Variants in ZFR observed in about 807,000 individuals in gnomAD.
The protein encoded by ZFR is zinc finger RNA binding protein.
In ZFR, 19 loss-of-function variants were observed where a neutral mutation model predicts 130.7. The ratio of observed to expected loss-of-function variants is 0.15; its 90% CI spans 0.10 to 0.21. The LOEUF is 0.21. Among genes scored for constraint, ZFR ranks in the 10% least tolerant of loss-of-function variants. ZFR has a pLI of 1.00. For missense variants in ZFR, 872 were observed against 1,321.5 expected (o/e 0.66, Z 5.27); for synonymous variants, 466 against 456.9 (o/e 1.02, Z -0.25).
Position 32,419,805 on chromosome 5 carries a change from CTAG to C in ZFR, c.420+13_420+15del, listed in dbSNP as rs1266426543. 1 of 1,576,884 alleles carries C rather than the reference CTAG, an allele frequency of 6.3e-7. No homozygotes were observed. Among genetic ancestry groups the C allele is most frequent in the Admixed American group, 1.8e-5 (1 of 55,346 alleles). On this transcript the variant is annotated intron_variant, in intron 3 of 19. Transcript: ENST00000265069. ...AACCCGCACATTCAGGCTACCAAAACTAGTAGTTTTCTTACCTGGTAGTTTTGT... is the reference window on the plus strand; with the variant it reads ...AACCCGCACATTCAGGCTACCAAAACTAGTTTTCTTACCTGGTAGTTTTGT...
chr5:32,390,665 A>T (rs147768003), intron 11 of ZFR, among the ~76,000 whole-genome samples: 1 of 152,192 alleles, frequency 6.6e-6, no homozygotes, highest in Non-Finnish European at 1.5e-5. Flanking sequence ...TAAAAAGAAC[A>T]GGCATCAGAA....
At chr5:32,425,420 CTTAAT>C (rs58748814) in intron 2 of ZFR, among the ~76,000 whole-genome samples, 142,414 of 152,144 alleles carry the variant, frequency 0.94, 66,744 homozygotes, top group African/African-American at 0.97. Flanking sequence ...TTAGAATATT[CTTAAT>C]TTAAGACATT....
intron 17 of ZFR, among the ~76,000 whole-genome samples, chr5:32,369,145 T>C (rs894862388): frequency 1.3e-5 from 2 of 152,234 alleles, no homozygotes; most frequent in East Asian, 1.9e-4. Context: ...TACAGTTAAA[T>C]AGATGATTTT....
At chr5:32,420,797 T>C (rs149115429) in intron 2 of ZFR, among the ~76,000 whole-genome samples, 1 of 152,318 alleles carries the variant, frequency 6.6e-6, no homozygotes, top group African/African-American at 2.4e-5. Flanking sequence ...CAAAGAATTA[T>C]TTAAAGTATG....
At chr5:32,404,407 T>C (rs1358557069) in intron 6 of ZFR, among the ~76,000 whole-genome samples, 5 of 152,218 alleles carry the variant, frequency 3.3e-5, no homozygotes, top group East Asian at 1.9e-4. Context: ...CAGAGAATAA[T>C]AGACAGTGAT....
At position 32,403,301 on chromosome 5, in the gene ZFR, T is replaced by C; in HGVS notation, c.1321A>G (p.Lys441Glu). Reference sequence around the variant, plus strand: ...ATGCTTGAAGGAGAGGCAGTCGGCTTTGAAGCAGATACAGCTGTTGAAGAA... The same window carrying C: ...ATGCTTGAAGGAGAGGCAGTCGGCTCTGAAGCAGATACAGCTGTTGAAGAA... ...ATSSTAVSAS[K>E]PTASPSSIAA... The change falls in exon 8 of 20, where the codon AAG becomes GAG. Residue 441 changes from lysine (K) to glutamate (E), a missense_variant. Lys to Glu is a moderately conservative substitution (Grantham distance 56). Transcript: ENST00000265069. 1 of 1,614,198 alleles carries C rather than the reference T, an allele frequency of 6.2e-7. No individual in the cohort carries two copies. Among genetic ancestry groups the C allele is most frequent in the Middle Eastern group, 1.6e-4 (1 of 6,062 alleles).
intron 19 of ZFR, among the ~76,000 whole-genome samples, chr5:32,356,559 C>T (rs1229306489): frequency 6.6e-6 from 1 of 151,970 alleles, no homozygotes; most frequent in African/African-American, 2.4e-5. Flanking sequence ...ACTACAGGTG[C>T]CCGCCACCAC....
intron 5 of ZFR, among the ~76,000 whole-genome samples, chr5:32,409,352 CA>C (rs1753647667): frequency 6.6e-6 from 1 of 152,058 alleles, no homozygotes; most frequent in Non-Finnish European, 1.5e-5. Context: ...TACCTAATAC[CA>C]TGTAAGTGCT....
At position 32,390,405 on chromosome 5, in the gene ZFR, A is replaced by C; in HGVS notation, c.2012T>G (p.Met671Arg). 6.2e-7 allele frequency: 1 copy of C among 1,614,142 alleles called. No individual in the cohort carries two copies. The highest frequency in any genetic ancestry group is 1.7e-5 in the Admixed American group (1 of 60,018). ...RYEEDMYWRRMEEEQHHWDDR... is the reference protein window; with the variant it reads ...RYEEDMYWRRREEEQHHWDDR... ...ATCCCAATGATGTTGTTCTTCCTCC[A>C]TTCTCCTCCAGTACATGTCCTCTTC... The change falls in exon 12 of 20, where the codon ATG becomes AGG. Residue 671 changes from methionine to arginine, a missense_variant. This residue lies in a region of ZFR where 225 missense variants were observed against 282.4 expected (regional missense o/e 0.80). Coordinates refer to ENST00000265069, the MANE Select transcript of ZFR (RefSeq NM_016107.5).
intron 17 of ZFR, among the ~76,000 whole-genome samples, chr5:32,366,761 C>T (rs1752554457): frequency 6.6e-6 from 1 of 151,694 alleles, no homozygotes; most frequent in African/African-American, 2.4e-5. Flanking sequence ...GTCTTGGAGG[C>T]TATAATTATA....
chr5:32,364,094 TA>T (rs1331403112), intron 18 of ZFR, 49 bp from the exon 19 acceptor site: 12 of 1,596,282 alleles, frequency 7.5e-6, no homozygotes, highest in Admixed American at 3.4e-5. Context: ...TGTCCACTTA[TA>T]AAAAAAATTA....
intron 5 of ZFR, among the ~76,000 whole-genome samples, chr5:32,412,723 T>A (rs1753738240): frequency 6.6e-6 from 1 of 152,222 alleles, no homozygotes; most frequent in Non-Finnish European, 1.5e-5. Context: ...CATCTACAAC[T>A]TGTAAAGCAT....
intron 17 of ZFR, among the ~76,000 whole-genome samples, chr5:32,368,499 G>A (rs1213199466): frequency 6.6e-6 from 1 of 152,192 alleles, no homozygotes; most frequent in Non-Finnish European, 1.5e-5. Flanking sequence ...GCCTCCCAAA[G>A]TGCTAAGATT....
Position 32,437,201 on chromosome 5 carries a change from T to C in ZFR, c.137+7028A>G, listed in dbSNP as rs549342211. ...AACTCCATAGTCAAAATCCTCCAAT[T>C]TCCCATTTTAGTATTTCATTAAAAC... is the stretch of plus-strand genomic sequence containing the variant. On this transcript the variant is annotated intron_variant, in intron 2 of 19. Coordinates refer to ENST00000265069, the MANE Select transcript of ZFR (RefSeq NM_016107.5). Among the ~76,000 whole-genome samples, 12 of 152,292 alleles carry C rather than the reference T, an allele frequency of 7.9e-5. No homozygotes were observed. The South Asian group carries it at 2.5e-3, about 32-fold the overall frequency.
At chr5:32,435,096 G>C (rs1754306118) in intron 2 of ZFR, among the ~76,000 whole-genome samples, 1 of 151,998 alleles carries the variant, frequency 6.6e-6, no homozygotes, top group Admixed American at 6.6e-5. Context: ...TTTTTGTAGA[G>C]GCAAGTGGAT....
chr5:32,393,773 A>G (rs935427446), intron 11 of ZFR, among the ~76,000 whole-genome samples: 1 of 152,224 alleles, frequency 6.6e-6, no homozygotes, highest in African/African-American at 2.4e-5. Context: ...GCTATCCAGT[A>G]TAGGCAGACA....
At chr5:32,394,194 G>A (rs1753243949) in intron 11 of ZFR, among the ~76,000 whole-genome samples, 1 of 152,146 alleles carries the variant, frequency 6.6e-6, no homozygotes, top group African/African-American at 2.4e-5. Flanking sequence ...TCAAAATGTG[G>A]AAACAAGTTG....
In ZFR at chr5:32,364,053, A is replaced by C. The variant is rs1199235813; in HGVS notation, c.2948-8T>G. On this transcript the variant is annotated splice_region_variant and splice_polypyrimidine_tract_variant and intron_variant, in intron 18 of 19. Transcript: ENST00000265069. ...CCAGAAGTCCAGGACTACCTACAGCAATCACCACAGGGAGAGGAAATTATT... is the reference window on the plus strand; with the variant it reads ...CCAGAAGTCCAGGACTACCTACAGCCATCACCACAGGGAGAGGAAATTATT... 1 of 1,613,434 alleles carries C rather than the reference A, an allele frequency of 6.2e-7. No individual in the cohort carries two copies. The highest frequency in any genetic ancestry group is 8.5e-7 in the Non-Finnish European group (1 of 1,179,464).
chr5:32,414,524 G>A (rs576864376), intron 5 of ZFR, among the ~76,000 whole-genome samples: 53 of 152,296 alleles, frequency 3.5e-4, no homozygotes, highest in African/African-American at 1.2e-3. Flanking sequence ...TGGATGTTTA[G>A]AAAGGGCTAC....
Sources: gnomAD v4.1 joint callset for allele counts (sites outside exome capture counted in the v4.1 genomes callset) on GRCh38, gnomAD v4.1.1 for gene constraint, gnomAD v4.1.1 regional missense constraint, MANE v1.5 for transcripts, NCBI Gene and HGNC (gene_info 2026-07-23, HGNC 2026-07-21) for gene names.